Variants in CDK14 observed in about 807,000 individuals in gnomAD.
CDK14 encodes cyclin dependent kinase 14.
CDK14 carries 34 observed loss-of-function variants against 60.7 expected under a neutral mutation model. The observed-to-expected ratio is 0.56, with a 90% confidence interval of 0.43 to 0.75. The LOEUF is 0.75. CDK14 is among the 30% of genes least tolerant of loss of function. The pLI, the probability that CDK14 is intolerant of heterozygous loss-of-function variation, is 0.00. For synonymous variants in CDK14, 197 were observed against 203.7 expected (o/e 0.97, Z 0.28); for missense variants, 482 against 564.1 (o/e 0.85, Z 1.47).
At chr7:90,688,898 C>G (rs1457857320) in intron 2 of CDK14, among the ~76,000 whole-genome samples, 1 of 152,178 alleles carries the variant, frequency 6.6e-6, no homozygotes, top group Admixed American at 6.5e-5. Context: ...CTTCCCTTTT[C>G]TCTCTCCTTT....
intron 2 of CDK14, among the ~76,000 whole-genome samples, chr7:90,692,238 C>T (rs1031198038): frequency 2.6e-5 from 4 of 152,064 alleles, no homozygotes; most frequent in Admixed American, 1.3e-4. Context: ...AAGACAAGAG[C>T]GTATTTTTTG....
At chr7:90,853,936 G>A (rs572644417) in intron 5 of CDK14, among the ~76,000 whole-genome samples, 1 of 152,272 alleles carries the variant, frequency 6.6e-6, no homozygotes, top group African/African-American at 2.4e-5. Context: ...TGAATGGTCT[G>A]TTTCTCCATA....
At chr7:91,006,395 G>A (rs749719956) in intron 10 of CDK14, among the ~76,000 whole-genome samples, 10 of 152,306 alleles carry the variant, frequency 6.6e-5, no homozygotes, top group Non-Finnish European at 1.5e-4. Flanking sequence ...CATTTAACAT[G>A]TGCTCATTTT....
chr7:90,664,690 C>G (rs1800935250), intron 2 of CDK14, among the ~76,000 whole-genome samples: 1 of 142,306 alleles, frequency 7.0e-6, no homozygotes, highest in Non-Finnish European at 1.5e-5. Context: ...ATCGCAAGGA[C>G]AAAAAACCAA....
intron 14 of CDK14, among the ~76,000 whole-genome samples, chr7:91,136,083 A>G (rs1567472): frequency 0.069 from 10,512 of 152,234 alleles, 965 homozygotes; most frequent in East Asian, 0.5. Context: ...ATTTCCTTAT[A>G]GCATTTTCTG....
intron 14 of CDK14, among the ~76,000 whole-genome samples, chr7:91,149,353 C>G (rs902005602): frequency 5.9e-5 from 9 of 151,748 alleles, no homozygotes; most frequent in Non-Finnish European, 4.4e-5. Context: ...TTTTGACTTT[C>G]CTTCTCTTCC....
At chr7:90,982,453 C>A (rs892944947) in intron 9 of CDK14, among the ~76,000 whole-genome samples, 2 of 152,116 alleles carry the variant, frequency 1.3e-5, no homozygotes, top group Non-Finnish European at 2.9e-5. Context: ...CATGTGGATG[C>A]CTGGGCTCCA....
chr7:91,104,272 G>A (rs1039573748), intron 12 of CDK14, among the ~76,000 whole-genome samples: 7 of 152,008 alleles, frequency 4.6e-5, no homozygotes, highest in Non-Finnish European at 1.0e-4. Flanking sequence ...AGTGACCTGC[G>A]ATAGAACACT....
intron 14 of CDK14, among the ~76,000 whole-genome samples, chr7:91,181,103 T>G (rs1801986722): frequency 6.6e-6 from 1 of 152,230 alleles, no homozygotes; most frequent in South Asian, 2.1e-4. Flanking sequence ...ATTTCAGCAC[T>G]TCCTTAATAC....
At chr7:90,842,329 CAT>C (rs1435526823) in intron 5 of CDK14, among the ~76,000 whole-genome samples, 2 of 152,096 alleles carry the variant, frequency 1.3e-5, no homozygotes, top group Non-Finnish European at 2.9e-5. Flanking sequence ...GTGTCAGACT[CAT>C]GTGAAAACTT....
chr7:91,087,605 G>T (rs553091243), intron 12 of CDK14, among the ~76,000 whole-genome samples: 2 of 152,188 alleles, frequency 1.3e-5, no homozygotes, highest in African/African-American at 4.8e-5. Flanking sequence ...TACCTTACTA[G>T]ACACAGTCCT....
At chr7:90,630,071 AC>A (rs1554422751) in intron 2 of CDK14, among the ~76,000 whole-genome samples, 121 of 74,988 alleles carry the variant, frequency 1.6e-3, no homozygotes, top group African/African-American at 6.2e-3. Context: ...ACAAAACAAA[AC>A]AAAACAAAAC....
intron 10 of CDK14, among the ~76,000 whole-genome samples, chr7:91,018,833 C>T (rs761868599): frequency 6.6e-6 from 1 of 152,188 alleles, no homozygotes; most frequent in Non-Finnish European, 1.5e-5. Flanking sequence ...CCTGTACAGC[C>T]TGTGGAACAG....
chr7:90,777,796 C>G (rs1382813959), intron 4 of CDK14, among the ~76,000 whole-genome samples: 1 of 152,102 alleles, frequency 6.6e-6, no homozygotes. Flanking sequence ...TGTCATATCC[C>G]AGGCACTATC....
intron 2 of CDK14, among the ~76,000 whole-genome samples, chr7:90,679,854 A>T (rs1271570343): frequency 1.3e-5 from 2 of 152,166 alleles, no homozygotes; most frequent in East Asian, 3.8e-4. Flanking sequence ...TGCTATATAG[A>T]TTTATAGTCA....
At chr7:90,960,071 A>T (rs1794555648) in intron 9 of CDK14, among the ~76,000 whole-genome samples, 1 of 152,152 alleles carries the variant, frequency 6.6e-6, no homozygotes, top group South Asian at 2.1e-4. Context: ...CAAGCAGCTT[A>T]TCTATGTAGT....
At chr7:90,650,485 G>T (rs1800608342) in intron 2 of CDK14, among the ~76,000 whole-genome samples, 3 of 152,076 alleles carry the variant, frequency 2.0e-5, no homozygotes. Context: ...TGTCAATTTT[G>T]GCTTTTGTTG....
chr7:91,020,056 C>T (rs773457178), intron 10 of CDK14, among the ~76,000 whole-genome samples: 1 of 152,172 alleles, frequency 6.6e-6, no homozygotes, highest in Non-Finnish European at 1.5e-5. Context: ...GCAGGCTAAT[C>T]AGGGCATGCT....
chr7:91,113,208 T>C (rs542016815), intron 13 of CDK14, among the ~76,000 whole-genome samples: 1 of 152,360 alleles, frequency 6.6e-6, no homozygotes, highest in South Asian at 2.1e-4. Context: ...AGGGCTGCTA[T>C]GCAGCGAGCT....
Sources: gnomAD v4.1 joint callset for allele counts (sites outside exome capture counted in the v4.1 genomes callset) on GRCh38, gnomAD v4.1.1 for gene constraint, MANE v1.5 for transcripts, NCBI Gene and HGNC (gene_info 2026-07-23, HGNC 2026-07-21) for gene names.